The following TUSC3 variants were observed in gnomAD, a reference collection of about 807,000 sequenced individuals.
TUSC3 encodes tumor suppressor candidate 3.
Under a neutral mutation model 44.8 loss-of-function variants are expected in TUSC3, and 45 were observed. The observed-to-expected ratio is 1.00, with a 90% confidence interval of 0.79 to 1.29. The LOEUF is 1.29. Among genes scored for constraint, TUSC3 ranks in the 50% most tolerant of loss-of-function variants. TUSC3 has a pLI of 0.00. For missense variants in TUSC3, 519 were observed against 437.9 expected (o/e 1.19, Z -1.65); for synonymous variants, 212 against 152.9 (o/e 1.39, Z -2.85).
At chr8:15,798,368 T>C in the TUSC3 span, among the ~76,000 whole-genome samples, 4 of 152,178 alleles carry the variant, frequency 2.6e-5, no homozygotes, top group African/African-American at 9.7e-5. Context: ...CATAAAAGTT[T>C]GAATCCTTCC....
At chr8:15,581,651 C>T (rs969252980) in intron 1 of TUSC3, among the ~76,000 whole-genome samples, 1 of 149,628 alleles carries the variant, frequency 6.7e-6, no homozygotes, top group Admixed American at 6.7e-5. Context: ...GTCAGGGACC[C>T]ACTTGAGGAG....
At chr8:15,792,095 T>G in the TUSC3 span, among the ~76,000 whole-genome samples, 1 of 149,462 alleles carries the variant, frequency 6.7e-6, no homozygotes, top group Non-Finnish European at 1.5e-5. Flanking sequence ...GGAAAACAAA[T>G]GAATCTCTGA....
the TUSC3 span, among the ~76,000 whole-genome samples, chr8:15,784,861 T>C: frequency 3.3e-5 from 5 of 151,738 alleles, no homozygotes; most frequent in Middle Eastern, 3.4e-3. Flanking sequence ...TCAATAACAA[T>C]GTATTGTGTA....
downstream of TUSC3, among the ~76,000 whole-genome samples, chr8:15,770,006 G>A (rs1041162959): frequency 2.6e-5 from 4 of 152,164 alleles, no homozygotes; most frequent in South Asian, 4.1e-4. Context: ...ACAGTGTGGT[G>A]ATTCCTCAAG....
chr8:15,505,405 A>G (rs560207872), intron 2 of TUSC3, among the ~76,000 whole-genome samples: 2 of 152,342 alleles, frequency 1.3e-5, no homozygotes, highest in East Asian at 1.9e-4. Context: ...TACTATGTCT[A>G]TTCCTTTTTC....
chr8:15,746,684 A>G (rs536890180), intron 8 of TUSC3, among the ~76,000 whole-genome samples: 5 of 152,152 alleles, frequency 3.3e-5, no homozygotes, highest in African/African-American at 1.2e-4. Flanking sequence ...GCACAACCCA[A>G]TGGGGCTACT....
At chr8:15,450,924 T>A (rs1908465) in intron 1 of TUSC3, among the ~76,000 whole-genome samples, 109,589 of 151,984 alleles carry the variant, frequency 0.72, 39,690 homozygotes, top group East Asian at 0.89. Context: ...TGAGTTCTGG[T>A]CTGAGCAGCT....
intron 1 of TUSC3, among the ~76,000 whole-genome samples, chr8:15,564,310 A>C (rs1802586216): frequency 6.6e-6 from 1 of 152,156 alleles, no homozygotes; most frequent in South Asian, 2.1e-4. Flanking sequence ...GCTAAAATAA[A>C]AAATAAAAAA....
intron 1 of TUSC3, among the ~76,000 whole-genome samples, chr8:15,542,657 G>C (rs1400598365): frequency 1.3e-5 from 2 of 152,064 alleles, no homozygotes; most frequent in Non-Finnish European, 2.9e-5. Context: ...AACATTTGTG[G>C]ATTTAGTATA....
chr8:15,762,304 A>G (rs1174192836), intron 10 of TUSC3, among the ~76,000 whole-genome samples: 1 of 152,050 alleles, frequency 6.6e-6, no homozygotes, highest in Non-Finnish European at 1.5e-5. Context: ...ACATCTAACT[A>G]ACAAGTAATC....
intron 1 of TUSC3, among the ~76,000 whole-genome samples, chr8:15,591,035 C>T (rs1193997016): frequency 6.6e-6 from 1 of 152,070 alleles, no homozygotes; most frequent in Non-Finnish European, 1.5e-5. Flanking sequence ...ATGCTGAGTT[C>T]TTTAAAGTAC....
rs1006773443 is a variant in TUSC3 at position 15,687,105 on chromosome 8, A to G, written c.798+13269A>G. ...ACAAAAAACAAAAAAATGGTAAGAC[A>G]AGAGTAATTGACATACATTAAGGAT... is the stretch of plus-strand genomic sequence containing the variant. On this transcript the variant is annotated intron_variant, in intron 6 of 10. Coordinates refer to ENST00000503731, the MANE Select transcript of TUSC3 (RefSeq NM_006765.4). 2.6e-5 allele frequency among the ~76,000 whole-genome samples: 4 copies of G among 152,214 alleles called. No homozygotes were observed. In the South Asian group the frequency reaches 6.2e-4, roughly 24 times the overall value.
the TUSC3 span, among the ~76,000 whole-genome samples, chr8:15,818,733 A>C: frequency 6.6e-6 from 1 of 152,254 alleles, no homozygotes; most frequent in Non-Finnish European, 1.5e-5. Context: ...CAAATGACTT[A>C]TTCTTTTAAG....
At chr8:15,594,970 C>G (rs952313775) in intron 1 of TUSC3, among the ~76,000 whole-genome samples, 2 of 152,096 alleles carry the variant, frequency 1.3e-5, no homozygotes, top group African/African-American at 2.4e-5. Context: ...GGAAAGTTGT[C>G]TACCCTAGGT....
intron 6 of TUSC3, among the ~76,000 whole-genome samples, chr8:15,721,173 A>G (rs1810293009): frequency 6.6e-6 from 1 of 152,058 alleles, no homozygotes; most frequent in Non-Finnish European, 1.5e-5. Context: ...TGTACTTAGA[A>G]AATGAATTAC....
intron 1 of TUSC3, among the ~76,000 whole-genome samples, chr8:15,584,906 T>A (rs781212614): frequency 2.6e-5 from 4 of 152,156 alleles, no homozygotes; most frequent in Non-Finnish European, 4.4e-5. Context: ...GAAATACTAT[T>A]TGGAGTGTTT....
intron 1 of TUSC3, among the ~76,000 whole-genome samples, chr8:15,613,771 T>C (rs1804864818): frequency 6.6e-6 from 1 of 152,234 alleles, no homozygotes; most frequent in African/African-American, 2.4e-5. Flanking sequence ...TAGATATTTC[T>C]GTTCTCCTTT....
At chr8:15,587,245 GCT>G (rs1803639788) in intron 1 of TUSC3, among the ~76,000 whole-genome samples, 1 of 152,118 alleles carries the variant, frequency 6.6e-6, no homozygotes, top group Non-Finnish European at 1.5e-5. Flanking sequence ...TCCTTACACT[GCT>G]CTCCCTGTAT....
chr8:15,757,067 T>C (rs1811956372), intron 9 of TUSC3, among the ~76,000 whole-genome samples: 1 of 152,096 alleles, frequency 6.6e-6, no homozygotes, highest in Non-Finnish European at 1.5e-5. Flanking sequence ...GCCCAGGAGT[T>C]TGAGGCTGCA....
Sources: allele counts gnomAD v4.1 joint callset (sites outside exome capture counted in the v4.1 genomes callset), GRCh38; gene constraint gnomAD v4.1.1; transcripts MANE v1.5; gene names NCBI Gene and HGNC (gene_info 2026-07-23, HGNC 2026-07-21).